The following CFTR variants were observed in gnomAD, a reference collection of about 807,000 sequenced individuals.
CFTR encodes the protein cystic fibrosis transmembrane conductance regulator.
Under a neutral mutation model 171.6 loss-of-function variants are expected in CFTR, and 181 were observed. The ratio of observed to expected loss-of-function variants is 1.05; its 90% confidence interval spans 0.93 to 1.19. The LOEUF (loss-of-function observed/expected upper bound fraction) is 1.19. Among genes scored for constraint, CFTR ranks in the 50% most tolerant of loss-of-function variants. The probability of loss-of-function intolerance (pLI) is 0.00; values close to 1 mark genes in which losing one functional copy is unlikely to be tolerated. For missense variants in CFTR, 1,968 were observed against 1,734.7 expected (o/e 1.13, Z -2.39); for synonymous variants, 583 against 608.0 (o/e 0.96, Z 0.60).
chr7:117,496,956 C>T (rs1798250181), intron 1 of CFTR, among the ~76,000 whole-genome samples: 1 of 147,298 alleles, frequency 6.8e-6, no homozygotes, highest in Admixed American at 6.7e-5. Flanking sequence ...ATTTTCTTTT[C>T]ATTTTCTTGA....
At chr7:117,558,885 G>C (rs1317525762) in intron 10 of CFTR, among the ~76,000 whole-genome samples, 1 of 151,790 alleles carries the variant, frequency 6.6e-6, no homozygotes, top group Admixed American at 6.6e-5. Context: ...TTTTCAACTC[G>C]AATTCTGCCA....
At chr7:117,491,797 C>T (rs1031774128) in intron 1 of CFTR, among the ~76,000 whole-genome samples, 2 of 152,036 alleles carry the variant, frequency 1.3e-5, no homozygotes, top group Non-Finnish European at 2.9e-5. Flanking sequence ...TCCTTAGGTA[C>T]CGGGGGTTAG....
At chr7:117,525,261 T>C (rs1292911008) in intron 3 of CFTR, among the ~76,000 whole-genome samples, 1 of 151,982 alleles carries the variant, frequency 6.6e-6, no homozygotes, top group Non-Finnish European at 1.5e-5. Flanking sequence ...TTGTTATAAT[T>C]TCTGTTCTTT....
chr7:117,595,164 T>G (rs4148713), intron 15 of CFTR, 106 bp downstream of exon 15: 1 of 835,888 alleles, frequency 1.2e-6, no homozygotes, highest in South Asian at 1.5e-5. Flanking sequence ...TATATACACA[T>G]GTATACATGT....
At chr7:117,486,556 G>T (rs992297620) in intron 1 of CFTR, among the ~76,000 whole-genome samples, 2 of 151,940 alleles carry the variant, frequency 1.3e-5, no homozygotes, top group Non-Finnish European at 2.9e-5. Context: ...GTAGGGATGG[G>T]CTAGGAAAAA....
intron 12 of CFTR, among the ~76,000 whole-genome samples, chr7:117,588,468 A>G (rs943225613): frequency 6.6e-6 from 1 of 152,094 alleles, no homozygotes; most frequent in Non-Finnish European, 1.5e-5. Flanking sequence ...AGTTTAAACA[A>G]TTATTGGTGA....
At chr7:117,498,296 A>T (rs535867835) in intron 1 of CFTR, among the ~76,000 whole-genome samples, 1 of 152,274 alleles carries the variant, frequency 6.6e-6, no homozygotes, top group East Asian at 1.9e-4. Context: ...ACTCAAATAT[A>T]CACAAGGCTT....
chr7:117,539,011 GGAA>G lies in CFTR; in HGVS notation c.870-1082_870-1080del, dbSNP rs1423677282. ...AGAATAGCTTTTCTGAATTATACAA[GGAA>G]GAAGAACTAATGCCCAAATGCCAGG... On this transcript the variant is annotated intron_variant, in intron 7 of 26. Transcript: ENST00000003084. Among the ~76,000 whole-genome samples, 4 of 152,270 alleles carry G rather than the reference GGAA, an allele frequency of 2.6e-5. No homozygotes were observed. The South Asian group carries it at 6.2e-4, about 24-fold the overall frequency.
rs76713772 is a variant in CFTR at position 117,587,738 on chromosome 7, G to A, written c.1585-1G>A. Reference sequence around the variant, plus strand: ...CTCTAATTTTCTATTTTTGGTAATAGGACATCTCCAAGTTTGCAGAGAAAG... The same window carrying A: ...CTCTAATTTTCTATTTTTGGTAATAAGACATCTCCAAGTTTGCAGAGAAAG... On this transcript the variant is annotated splice_acceptor_variant, in intron 11 of 26. Transcript: ENST00000003084. LOFTEE classifies it high-confidence loss of function. 1.4e-4 allele frequency: 224 copies of A among 1,586,158 alleles called. No individual in the cohort carries two copies. Among genetic ancestry groups the A allele is most frequent in the Non-Finnish European group, 1.9e-4 (214 of 1,154,930 alleles).
At chr7:117,549,252 A>C (rs1245329199) in intron 10 of CFTR, among the ~76,000 whole-genome samples, 1 of 152,158 alleles carries the variant, frequency 6.6e-6, no homozygotes. Flanking sequence ...AATTTTCAGA[A>C]TAGATTTAGA....
At chr7:117,630,871 AAGGGCAT>A (rs1308613551) in intron 22 of CFTR, among the ~76,000 whole-genome samples, 1 of 152,114 alleles carries the variant, frequency 6.6e-6, no homozygotes, top group Non-Finnish European at 1.5e-5. Context: ...GCTCCAGGCA[AAGGGCAT>A]AACATGAGGC....
chr7:117,663,266 C>A (rs189895010), intron 24 of CFTR, among the ~76,000 whole-genome samples: 1 of 152,190 alleles, frequency 6.6e-6, no homozygotes, highest in East Asian at 1.9e-4. Flanking sequence ...CTGCCCAGTG[C>A]CCTTTATTCA....
intron 15 of CFTR, 68 bp from the exon 16 acceptor site, chr7:117,602,758 G>C: frequency 5.7e-6 from 7 of 1,218,478 alleles, no homozygotes; most frequent in Non-Finnish European, 8.5e-6. Context: ...TGTGAATTTA[G>C]ATGTGGGCAT....
chr7:117,666,723 G>C (rs1216079424), intron 26 of CFTR, among the ~76,000 whole-genome samples, 185 bp from the exon 27 acceptor site: 3 of 152,170 alleles, frequency 2.0e-5, no homozygotes, highest in Non-Finnish European at 4.4e-5. Context: ...TTTCACAGAT[G>C]GTAGAACCTC....
intron 10 of CFTR, among the ~76,000 whole-genome samples, chr7:117,551,683 G>A (rs1008981141): frequency 6.6e-6 from 1 of 152,198 alleles, no homozygotes; most frequent in African/African-American, 2.4e-5. Flanking sequence ...TACATTAAAT[G>A]TCTTGCGCTT....
At chr7:117,659,372 T>C (rs1393322861) in intron 24 of CFTR, among the ~76,000 whole-genome samples, 1 of 152,236 alleles carries the variant, frequency 6.6e-6, no homozygotes, top group Non-Finnish European at 1.5e-5. Flanking sequence ...GATTATATCC[T>C]ATTAATTGTT....
intron 5 of CFTR, among the ~76,000 whole-genome samples, chr7:117,534,980 G>A (rs1191011070): frequency 6.6e-6 from 1 of 152,168 alleles, no homozygotes; most frequent in East Asian, 1.9e-4. Flanking sequence ...TACTTAAGAT[G>A]TCCAATCTTG....
chr7:117,654,738 T>C (rs553956247), intron 24 of CFTR, among the ~76,000 whole-genome samples: 2 of 152,302 alleles, frequency 1.3e-5, no homozygotes, highest in Admixed American at 1.3e-4. Flanking sequence ...CAATTAAACC[T>C]CTTTTCTTTA....
intron 23 of CFTR, among the ~76,000 whole-genome samples, chr7:117,651,752 T>C (rs1478991802): frequency 6.6e-6 from 1 of 152,152 alleles, no homozygotes; most frequent in Non-Finnish European, 1.5e-5. Context: ...TCTAACATGA[T>C]CCTCAGTAAA....
Sources: gnomAD v4.1 joint callset for allele counts (sites outside exome capture counted in the v4.1 genomes callset) on GRCh38, gnomAD v4.1.1 for gene constraint, MANE v1.5 for transcripts, NCBI Gene and HGNC (gene_info 2026-07-23, HGNC 2026-07-21) for gene names.